Variants in USP4 observed in about 807,000 individuals in gnomAD.
The protein encoded by USP4 is ubiquitin carboxyl-terminal hydrolase 4.
A neutral mutation model predicts 118.2 loss-of-function variants in USP4; 72 were observed. That is an observed-to-expected ratio of 0.61 (90% CI 0.50 to 0.74). The LOEUF (loss-of-function observed/expected upper bound fraction) is 0.74, where lower values mean the gene tolerates loss of function less well. Ranked by LOEUF, USP4 falls within the 30% of genes least tolerant of loss-of-function variation. The probability of loss-of-function intolerance (pLI) is 0.00; values close to 1 mark genes in which losing one functional copy is unlikely to be tolerated. For missense variants in USP4, 1,037 were observed against 1,185.7 expected (o/e 0.87, Z 1.84); for synonymous variants, 415 against 440.4 (o/e 0.94, Z 0.72).
intron 8 of USP4, 82 bp downstream of exon 8, chr3:49,310,538 G>A: frequency 8.4e-7 from 1 of 1,184,188 alleles, no homozygotes. Flanking sequence ...TCCTGGGAGA[G>A]GATCCACCCA....
chr3:49,289,204 C>T (rs2047128595), intron 15 of USP4, among the ~76,000 whole-genome samples: 1 of 152,212 alleles, frequency 6.6e-6, no homozygotes, highest in Admixed American at 6.5e-5. Flanking sequence ...TTGTCCCGGA[C>T]ATGCCTAAGA....
At chr3:49,284,757 T>C (rs2047075614) in intron 17 of USP4, 92 bp downstream of exon 17, 6 of 1,338,444 alleles carry the variant, frequency 4.5e-6, no homozygotes, top group Admixed American at 3.7e-5. Flanking sequence ...TATAACTTGC[T>C]AAATTGCTGT....
In USP4 at chr3:49,286,201, G is replaced by T. The variant is rs781169911; in HGVS notation, c.2097C>A (p.Gly699=). 1.2e-6 allele frequency: 2 copies of T among 1,614,084 alleles called. No individual in the cohort carries two copies. The highest frequency in any genetic ancestry group is 2.2e-5 in the South Asian group (2 of 91,082). Reference sequence around the variant, plus strand: ...TAAAAAGCCTTTTTGGGCAGGGCTGGCCTTTGATCTTCTTTTGGGTGGTCT... The same window carrying T: ...TAAAAAGCCTTTTTGGGCAGGGCTGTCCTTTGATCTTCTTTTGGGTGGTCT... ...PSETTQKKIK[G]QPCPKRLFTF... is the part of the protein sequence containing the mutation. Residue 699 remains glycine (G), a synonymous_variant, in exon 16 of 22, where the codon GGC becomes GGA. Transcript: ENST00000265560.
At chr3:49,280,722 G>A in intron 20 of USP4, 22 bp downstream of exon 20, 1 of 1,591,770 alleles carries the variant, frequency 6.3e-7, no homozygotes, top group Non-Finnish European at 8.6e-7. Context: ...CATCTCAGAA[G>A]GAAGCAGATG....
intron 19 of USP4, 52 bp from the exon 20 acceptor site, chr3:49,280,899 T>G (rs1297018443): frequency 1.3e-6 from 2 of 1,507,156 alleles, no homozygotes; most frequent in East Asian, 2.3e-5. Flanking sequence ...CCAAACAAAG[T>G]AGTTAAGAGT....
rs753580810 is a variant in USP4, at chr3:49,280,768, A to G, written c.2620T>C (p.Tyr874His). 2 of 1,614,094 alleles carry G rather than the reference A, an allele frequency of 1.2e-6. No individual in the cohort carries two copies. The highest frequency in any genetic ancestry group is 2.2e-5 in the East Asian group (1 of 44,878). The change falls in exon 20 of 22, where the codon TAT (tyrosine) becomes CAT (histidine). Residue 874 changes from tyrosine (Y) to histidine (H), a missense_variant. By Grantham distance (83) the Tyr-to-His change is moderately conservative (BLOSUM62 2). Coordinates refer to ENST00000265560, the MANE Select transcript of USP4 (RefSeq NM_003363.4). ...VYDLIAVSNHYGAMGVGHYTA... is the reference protein window; with the variant it reads ...VYDLIAVSNHHGAMGVGHYTA... ...CAGTGGCCAACCCCCATGGCTCCAT[A>G]ATGATTGGACACGGCAATGAGGTCG...
At chr3:49,278,597 A>G in intron 21 of USP4, 146 bp from the exon 22 acceptor site, 1 of 1,042,254 alleles carries the variant, frequency 9.6e-7, no homozygotes, top group South Asian at 1.6e-5. Flanking sequence ...TGCCCCTGCC[A>G]GGCAGCAGGA....
At chr3:49,311,381 G>T (rs2047380983) in intron 7 of USP4, 133 bp downstream of exon 7, 2 of 971,272 alleles carry the variant, frequency 2.1e-6, no homozygotes, top group African/African-American at 1.6e-5. Flanking sequence ...AATGGAGTGA[G>T]AAACTACATG....
intron 7 of USP4, among the ~76,000 whole-genome samples, 195 bp from the exon 8 acceptor site, chr3:49,310,932 T>C (rs1031963095): frequency 6.6e-5 from 10 of 152,076 alleles, no homozygotes; most frequent in African/African-American, 1.7e-4. Context: ...GGTAAGCACA[T>C]CCTTAAGGAA....
rs768440677 is a variant in USP4 at position 49,340,049 on chromosome 3, G to A, written c.-25C>T. 4 of 1,595,498 alleles carry A rather than the reference G, an allele frequency of 2.5e-6. No homozygotes were observed. In the South Asian group the frequency reaches 3.3e-5, roughly 13 times the overall value. On this transcript the variant is annotated 5_prime_UTR_variant, in exon 1 of 22. Coordinates refer to ENST00000265560, the MANE Select transcript of USP4 (RefSeq NM_003363.4). ...TCTCCTCCGCGGCCCCGGCCCAGCC[G>A]GCCCGGACATCCGCCCCGCGCGCGG...
chr3:49,283,866 G>T, intron 19 of USP4, 121 bp downstream of exon 19: 1 of 1,209,266 alleles, frequency 8.3e-7, no homozygotes, highest in Non-Finnish European at 1.2e-6. Context: ...TGACCTCCTA[G>T]ACCCCGGCAA....
chr3:49,332,504 A>G (rs1321562077), intron 2 of USP4, among the ~76,000 whole-genome samples: 2 of 151,870 alleles, frequency 1.3e-5, no homozygotes, highest in African/African-American at 4.8e-5. Flanking sequence ...TCTAGCAGCA[A>G]AGAGGTAGAT....
intron 6 of USP4, among the ~76,000 whole-genome samples, chr3:49,321,822 C>T (rs1482005516): frequency 1.1e-4 from 16 of 151,846 alleles, no homozygotes; most frequent in Non-Finnish European, 1.5e-4. Context: ...GGTGAAACCC[C>T]GTCTCTACTA....
At chr3:49,285,058 A>T in intron 16 of USP4, 139 bp from the exon 17 acceptor site, 1 of 662,456 alleles carries the variant, frequency 1.5e-6, no homozygotes, top group Non-Finnish European at 2.6e-6. Context: ...GTCAAGAGCA[A>T]TGCTCTGCAA....
At chr3:49,309,647 A>G (rs2047360558) in intron 8 of USP4, among the ~76,000 whole-genome samples, 1 of 136,440 alleles carries the variant, frequency 7.3e-6, no homozygotes, top group Non-Finnish European at 1.6e-5. Context: ...TTTTTTTGAA[A>G]CGGAGTTTCA....
At chr3:49,302,640 G>A (rs2047273451) in intron 9 of USP4, 98 bp from the exon 10 acceptor site, 2 of 1,240,294 alleles carry the variant, frequency 1.6e-6, no homozygotes, top group Non-Finnish European at 2.2e-6. Context: ...GAGTTAGCTG[G>A]GGCAGTGAGA....
At chr3:49,286,953 G>A (rs1019798733) in intron 15 of USP4, among the ~76,000 whole-genome samples, 2 of 151,654 alleles carry the variant, frequency 1.3e-5, no homozygotes, top group South Asian at 2.1e-4. Flanking sequence ...AGGTTCAAGC[G>A]ATTCTCCTAC....
intron 9 of USP4, among the ~76,000 whole-genome samples, chr3:49,303,286 C>T (rs188606087): frequency 6.1e-4 from 92 of 151,918 alleles, no homozygotes; most frequent in African/African-American, 7.5e-4. Flanking sequence ...ACTAAAAATA[C>T]AAAAATTAGC....
intron 10 of USP4, among the ~76,000 whole-genome samples, chr3:49,300,942 C>A (rs1216077319): frequency 1.3e-5 from 2 of 152,018 alleles, no homozygotes; most frequent in African/African-American, 4.8e-5. Context: ...ATACATATTT[C>A]AAATATATAT....
Sources: gnomAD v4.1 joint callset for allele counts (sites outside exome capture counted in the v4.1 genomes callset) on GRCh38, gnomAD v4.1.1 for gene constraint, MANE v1.5 for transcripts, NCBI Gene and HGNC (gene_info 2026-07-23, HGNC 2026-07-21) for gene names.